Variants in SUGCT observed in about 807,000 individuals in gnomAD.
SUGCT encodes the protein succinyl-CoA:glutarate CoA-transferase.
In SUGCT, 41 loss-of-function variants were observed where a neutral mutation model predicts 55.0. The observed-to-expected ratio is 0.74, with a 90% CI of 0.58 to 0.97. The LOEUF (loss-of-function observed/expected upper bound fraction) is 0.97. Ranked by LOEUF, SUGCT falls within the 50% of genes least tolerant of loss-of-function variation. The pLI, the probability that SUGCT is intolerant of heterozygous loss-of-function variation, is 0.00. For missense variants in SUGCT, 568 were observed against 547.8 expected (o/e 1.04, Z -0.37); for synonymous variants, 187 against 200.4 (o/e 0.93, Z 0.56).
the SUGCT span, among the ~76,000 whole-genome samples, chr7:40,896,805 C>T: frequency 4.6e-5 from 7 of 152,216 alleles, no homozygotes; most frequent in African/African-American, 1.4e-4. Context: ...ATAGATTTAA[C>T]GCAATCCCAA....
chr7:40,874,356 T>A, the SUGCT span, among the ~76,000 whole-genome samples: 1 of 152,356 alleles, frequency 6.6e-6, no homozygotes, highest in East Asian at 1.9e-4. Context: ...GGGGCCTAGA[T>A]GAGAGATAGT....
At chr7:40,899,546 A>G in the SUGCT span, among the ~76,000 whole-genome samples, 243 of 152,270 alleles carry the variant, frequency 1.6e-3, 2 homozygotes, top group Non-Finnish European at 4.3e-4. Context: ...AACAAAACTC[A>G]TAAGACGGCA....
the SUGCT span, among the ~76,000 whole-genome samples, chr7:41,017,312 C>T: frequency 3.4e-5 from 5 of 147,982 alleles, no homozygotes; most frequent in African/African-American, 1.2e-4. Flanking sequence ...TCTACTGAGC[C>T]ATAAAGATGC....
At chr7:41,007,823 C>CAAAAAAAAAAA in the SUGCT span, among the ~76,000 whole-genome samples, 1 of 104,276 alleles carries the variant, frequency 9.6e-6, no homozygotes, top group Admixed American at 1.1e-4. Flanking sequence ...AACTGAAATC[C>CAAAAAAAAAAA]AAAAAAAAAA....
intron 12 of SUGCT, among the ~76,000 whole-genome samples, chr7:40,554,922 A>G (rs1389821627): frequency 2.0e-5 from 3 of 152,066 alleles, no homozygotes; most frequent in African/African-American, 7.2e-5. Flanking sequence ...TCATACATTC[A>G]TGTCACCATT....
At chr7:41,035,499 G>A in the SUGCT span, among the ~76,000 whole-genome samples, 1 of 152,142 alleles carries the variant, frequency 6.6e-6, no homozygotes, top group Non-Finnish European at 1.5e-5. Context: ...CCAAATGTAA[G>A]ACCCATCCCT....
intron 12 of SUGCT, among the ~76,000 whole-genome samples, chr7:40,615,813 C>T (rs1414078145): frequency 6.6e-6 from 1 of 152,230 alleles, no homozygotes; most frequent in Non-Finnish European, 1.5e-5. Flanking sequence ...GGGCTTCCCA[C>T]CTTCTTCTGC....
intron 12 of SUGCT, among the ~76,000 whole-genome samples, chr7:40,506,681 A>G (rs1792619121): frequency 1.3e-5 from 2 of 151,600 alleles, no homozygotes; most frequent in South Asian, 4.2e-4. Context: ...CTATTTTATT[A>G]TGTTTCATAT....
At chr7:40,950,793 C>G in the SUGCT span, among the ~76,000 whole-genome samples, 2 of 152,152 alleles carry the variant, frequency 1.3e-5, no homozygotes, top group Non-Finnish European at 2.9e-5. Flanking sequence ...AGCCTTGCAT[C>G]CCAGGGATGA....
chr7:40,564,992 A>T (rs898214374), intron 12 of SUGCT, among the ~76,000 whole-genome samples: 1 of 152,244 alleles, frequency 6.6e-6, no homozygotes, highest in Non-Finnish European at 1.5e-5. Context: ...CCCAGGAAGA[A>T]TGGTAATCCA....
At chr7:40,684,353 T>G (rs1476234568) in intron 12 of SUGCT, among the ~76,000 whole-genome samples, 1 of 152,240 alleles carries the variant, frequency 6.6e-6, no homozygotes, top group Admixed American at 6.5e-5. Context: ...AAAGAGGCAT[T>G]CCATTTTACT....
chr7:41,015,580 T>C, the SUGCT span, among the ~76,000 whole-genome samples: 1 of 152,190 alleles, frequency 6.6e-6, no homozygotes, highest in Non-Finnish European at 1.5e-5. Flanking sequence ...TACCTTGGCT[T>C]GTAGAATGAG....
chr7:40,720,394 G>A (rs1233235723), intron 12 of SUGCT, among the ~76,000 whole-genome samples: 1 of 152,206 alleles, frequency 6.6e-6, no homozygotes, highest in Non-Finnish European at 1.5e-5. Flanking sequence ...TTTTAATCCA[G>A]AGAAGAATGG....
intron 12 of SUGCT, among the ~76,000 whole-genome samples, chr7:40,635,186 T>A (rs891310553): frequency 5.3e-5 from 8 of 152,030 alleles, no homozygotes; most frequent in Non-Finnish European, 7.4e-5. Context: ...CTTGGGAGGC[T>A]AAGTCATGAG....
At chr7:40,674,140 T>C (rs144169145) in intron 12 of SUGCT, among the ~76,000 whole-genome samples, 134 of 152,248 alleles carry the variant, frequency 8.8e-4, no homozygotes, top group Middle Eastern at 3.4e-3. Flanking sequence ...AAAGAACAGG[T>C]TTGTTATTGT....
intron 8 of SUGCT, among the ~76,000 whole-genome samples, chr7:40,291,972 C>T (rs533242014): frequency 6.6e-6 from 1 of 152,090 alleles, no homozygotes; most frequent in Non-Finnish European, 1.5e-5. Flanking sequence ...TGACATTAGC[C>T]CATGCGGAGT....
At chr7:40,446,688 A>G (rs2151423362) in intron 9 of SUGCT, among the ~76,000 whole-genome samples, 2 of 152,298 alleles carry the variant, frequency 1.3e-5, no homozygotes, top group Middle Eastern at 6.8e-3. Flanking sequence ...TGGTTGATTC[A>G]TTAGCATTTA....
intron 12 of SUGCT, among the ~76,000 whole-genome samples, chr7:40,732,854 C>T (rs11767740): frequency 0.043 from 6,541 of 152,124 alleles, 184 homozygotes; most frequent in Non-Finnish European, 0.065. Flanking sequence ...CTTTGGGAGG[C>T]CAAGATGGGT....
At chr7:40,143,857 TAAA>T (rs751426867) in intron 1 of SUGCT, among the ~76,000 whole-genome samples, 7 of 152,310 alleles carry the variant, frequency 4.6e-5, no homozygotes, top group Middle Eastern at 3.4e-3. Context: ...AAAACTGGCT[TAAA>T]GAAGGGAACT....
Sources: gnomAD v4.1 joint callset for allele counts (sites outside exome capture counted in the v4.1 genomes callset) on GRCh38, gnomAD v4.1.1 for gene constraint, MANE v1.5 for transcripts, NCBI Gene and HGNC (gene_info 2026-07-23, HGNC 2026-07-21) for gene names.